TRIO: variants seen among roughly 807,000 people sequenced by gnomAD.
TRIO encodes trio Rho guanine nucleotide exchange factor.
A neutral mutation model predicts 351.9 loss-of-function variants in TRIO; 58 were observed. The observed-to-expected ratio is 0.16, with a 90% confidence interval of 0.13 to 0.21. The LOEUF is 0.21. TRIO is among the 10% of genes least tolerant of loss of function. TRIO has a pLI of 1.00. For missense variants in TRIO, 3,201 were observed against 4,027.8 expected (o/e 0.79, Z 5.56); for synonymous variants, 1,758 against 1,595.7 (o/e 1.10, Z -2.42).
At chr5:14,506,084 A>C (rs1757658319) in intron 55 of TRIO, among the ~76,000 whole-genome samples, 1 of 152,176 alleles carries the variant, frequency 6.6e-6, no homozygotes, top group Non-Finnish European at 1.5e-5. Flanking sequence ...TGGGAGCCTC[A>C]GGACCCGGGA....
chr5:14,274,621 C>T (rs1265890269), intron 2 of TRIO, among the ~76,000 whole-genome samples: 3 of 152,036 alleles, frequency 2.0e-5, no homozygotes, highest in South Asian at 2.1e-4. Flanking sequence ...CTTGATTGTC[C>T]TGAGAAAGAG....
At chr5:14,312,360 C>G (rs1220177732) in intron 8 of TRIO, among the ~76,000 whole-genome samples, 1 of 152,144 alleles carries the variant, frequency 6.6e-6, no homozygotes, top group Non-Finnish European at 1.5e-5. Flanking sequence ...TTTAAACTTA[C>G]CTTTAATTAC....
intron 28 of TRIO, among the ~76,000 whole-genome samples, chr5:14,395,905 G>C (rs1049578735): frequency 6.6e-6 from 1 of 151,994 alleles, no homozygotes; most frequent in Admixed American, 6.6e-5. Context: ...TACTAGCCGG[G>C]CATGGTGGCG....
intron 37 of TRIO, chr5:14,465,862 A>G: frequency 7.2e-6 from 4 of 558,678 alleles, no homozygotes; most frequent in Middle Eastern, 2.7e-4. Flanking sequence ...TTCCCATGAA[A>G]GGACACAGAT....
chr5:14,318,279 C>CAAAAAAAAAAAAA (rs759632595), intron 9 of TRIO, among the ~76,000 whole-genome samples: 1 of 46,478 alleles, frequency 2.2e-5, no homozygotes, highest in Admixed American at 2.8e-4. Flanking sequence ...GACTCTATCT[C>CAAAAAAAAAAAAA]AAAAAAAAAA....
intron 21 of TRIO, among the ~76,000 whole-genome samples, chr5:14,384,007 C>G (rs912567207): frequency 1.3e-5 from 2 of 152,188 alleles, no homozygotes; most frequent in Non-Finnish European, 2.9e-5. Context: ...CTCGCTGAGA[C>G]TCGGCTCGGT....
At chr5:14,367,416 A>G (rs1744698470) in intron 16 of TRIO, among the ~76,000 whole-genome samples, 1 of 152,208 alleles carries the variant, frequency 6.6e-6, no homozygotes, top group Non-Finnish European at 1.5e-5. Flanking sequence ...GAGCTCAGCA[A>G]GACCAGGTGT....
chr5:14,489,767 T>C (rs1387855405), intron 48 of TRIO, among the ~76,000 whole-genome samples: 1 of 152,206 alleles, frequency 6.6e-6, no homozygotes, highest in Non-Finnish European at 1.5e-5. Flanking sequence ...GAATGCTGTC[T>C]CTGAGGCCAA....
At chr5:14,195,498 G>C (rs538682930) in intron 1 of TRIO, among the ~76,000 whole-genome samples, 1 of 152,222 alleles carries the variant, frequency 6.6e-6, no homozygotes, top group East Asian at 1.9e-4. Context: ...TTTTTTCTTT[G>C]TAATGAAGTG....
chr5:14,325,661 GAA>G (rs1468127109), intron 9 of TRIO, among the ~76,000 whole-genome samples: 1 of 152,092 alleles, frequency 6.6e-6, no homozygotes, highest in African/African-American at 2.4e-5. Context: ...AGCAGAGAGA[GAA>G]AGAGAGAGAG....
Position 14,419,834 on chromosome 5 carries a change from C to T in TRIO, c.5016C>T (p.Ser1672=). The change falls in exon 34 of 57, where the codon AGC becomes AGT. Residue 1672 remains serine (S), a synonymous_variant. Coordinates refer to ENST00000344204, the MANE Select transcript of TRIO (RefSeq NM_007118.4). ...VVIHDFTACN[S]NELTIRRGQT... ...TCCATGACTTCACCGCTTGCAACAG[C>T]AACGAGCTGACCATCCGACGGGGCC... 1 of 1,614,228 alleles carries T rather than the reference C, an allele frequency of 6.2e-7. No homozygotes were observed. The highest frequency in any genetic ancestry group is 1.1e-5 in the South Asian group (1 of 91,088).
At chr5:14,171,097 T>A (rs1257255816) in intron 1 of TRIO, among the ~76,000 whole-genome samples, 1 of 152,170 alleles carries the variant, frequency 6.6e-6, no homozygotes, top group Admixed American at 6.5e-5. Flanking sequence ...TGGAAATTGT[T>A]ACAATTCTAG....
chr5:14,354,983 A>G (rs114516046), intron 11 of TRIO, among the ~76,000 whole-genome samples: 1,814 of 152,328 alleles, frequency 0.012, 40 homozygotes, highest in African/African-American at 0.042. Flanking sequence ...GAGCAGAATC[A>G]GTGCAGTTGC....
chr5:14,497,957 T>C lies in TRIO; in HGVS notation c.8047+83T>C. The C allele has an allele frequency of 6.2e-7, 1 of 1,610,696 alleles. No individual in the cohort carries two copies. Among genetic ancestry groups the C allele is most frequent in the South Asian group, 1.1e-5 (1 of 90,972 alleles). ...TTTCAGAGCACTTGAGTGTGGCCTC[T>C]GGAAATGAGTTTTCCGTGGCGCTCT... On this transcript the variant is annotated intron_variant, in intron 51 of 56. Coordinates refer to ENST00000344204, the MANE Select transcript of TRIO (RefSeq NM_007118.4). The surrounding 1 kb of genome is among the most constrained non-coding windows in gnomAD (Gnocchi z 4.4).
In TRIO at chr5:14,410,283, TG is replaced by T. The variant is rs377718300; in HGVS notation, c.4959+3612del. ...TGCTGCCCACGTGTGCCTGCGTTTG[TG>T]TGTGCTCTGCTTATGTGACGTTTTC... is the stretch of plus-strand genomic sequence containing the variant. On this transcript the variant is annotated intron_variant, in intron 33 of 56. Transcript: ENST00000344204. Among the ~76,000 whole-genome samples, 43 of 152,298 alleles carry T rather than the reference TG, an allele frequency of 2.8e-4. No homozygotes were observed. In the East Asian group the frequency reaches 7.5e-3, roughly 27 times the overall value.
rs749785358 is a variant in TRIO, at chr5:14,487,504, GGGCGGCGGC to G, written c.6886_6894del (p.Gly2296_Gly2298del). On this transcript the variant is annotated inframe_deletion, in exon 48 of 57. Coordinates refer to ENST00000344204, the MANE Select transcript of TRIO (RefSeq NM_007118.4). ...TCGAGTACCAGAGGAACCACAGCGG[GGGCGGCGGC>G]GGCGGCGGCAGCGGGGGCAGCGGCG... 1.3e-5 allele frequency: 14 copies of G among 1,083,204 alleles called. No individual in the cohort carries two copies. The highest frequency in any genetic ancestry group is 5.1e-5 in the African/African-American group (3 of 59,340). 67.1% of individuals were successfully genotyped at this position (1,083,204 alleles called of 1,614,324 possible).
At chr5:14,433,112 C>T (rs769798081) in intron 34 of TRIO, among the ~76,000 whole-genome samples, 35 of 152,188 alleles carry the variant, frequency 2.3e-4, no homozygotes, top group Non-Finnish European at 3.4e-4. Flanking sequence ...CAGAGAATGT[C>T]ACATAGTTAA....
intron 34 of TRIO, among the ~76,000 whole-genome samples, chr5:14,421,957 C>T (rs991580632): frequency 3.9e-5 from 6 of 152,184 alleles, no homozygotes; most frequent in Non-Finnish European, 7.3e-5. Context: ...CAGTCCTCCC[C>T]CTTCTCCTGC....
intron 1 of TRIO, among the ~76,000 whole-genome samples, chr5:14,197,154 G>C (rs1011264124): frequency 6.6e-6 from 1 of 152,192 alleles, no homozygotes; most frequent in African/African-American, 2.4e-5. Flanking sequence ...ACTTGGGCAC[G>C]ACTAAGTGCT....
Sources: gnomAD v4.1 joint callset for allele counts (sites outside exome capture counted in the v4.1 genomes callset) on GRCh38, gnomAD v4.1.1 for gene constraint, Gnocchi (gnomAD v3.1) non-coding constraint, MANE v1.5 for transcripts, NCBI Gene and HGNC (gene_info 2026-07-23, HGNC 2026-07-21) for gene names.